The following ASTN1 variants were observed in gnomAD, a reference collection of about 807,000 sequenced individuals.
ASTN1 encodes the protein astrotactin 1, also known as astrotactin-1.
In ASTN1, 41 loss-of-function variants were observed where a neutral mutation model predicts 140.7. The observed-to-expected ratio is 0.29, with a 90% CI of 0.23 to 0.38. ASTN1 has a LOEUF of 0.38. Among genes scored for constraint, ASTN1 ranks in the 10% least tolerant of loss-of-function variants. The pLI, the probability that ASTN1 is intolerant of heterozygous loss-of-function variation, is 1.00. For synonymous variants in ASTN1, 640 were observed against 652.2 expected (o/e 0.98, Z 0.29); for missense variants, 1,479 against 1,678.8 (o/e 0.88, Z 2.08).
At chr1:176,877,803 A>T (rs534954084) in intron 20 of ASTN1, among the ~76,000 whole-genome samples, 1 of 152,290 alleles carries the variant, frequency 6.6e-6, no homozygotes, top group South Asian at 2.1e-4. Flanking sequence ...TTCTTTTGGC[A>T]CAGTTACAGG....
intron 8 of ASTN1, among the ~76,000 whole-genome samples, chr1:177,005,903 C>T (rs1367551842): frequency 1.3e-5 from 2 of 152,160 alleles, no homozygotes; most frequent in African/African-American, 2.4e-5. Flanking sequence ...GCCACCGTGC[C>T]CTGCCTAATG....
chr1:177,089,091 A>G (rs1214859486), intron 1 of ASTN1, among the ~76,000 whole-genome samples: 1 of 152,084 alleles, frequency 6.6e-6, no homozygotes, highest in Non-Finnish European at 1.5e-5. Flanking sequence ...GAGGACGCTG[A>G]TTTTTCTTGG....
chr1:176,950,355 G>A (rs1212975775), intron 11 of ASTN1, among the ~76,000 whole-genome samples: 1 of 152,150 alleles, frequency 6.6e-6, no homozygotes, highest in African/African-American at 2.4e-5. Context: ...TGAACCCTTT[G>A]TAGGTTGGCT....
At chr1:176,969,981 G>A (rs1373396488) in intron 8 of ASTN1, among the ~76,000 whole-genome samples, 1 of 152,236 alleles carries the variant, frequency 6.6e-6, no homozygotes, top group Non-Finnish European at 1.5e-5. Flanking sequence ...CCATTGTAAC[G>A]GATGCACAGC....
In ASTN1 at chr1:176,993,961, C is replaced by T. The variant is rs73041788; in HGVS notation, c.1523+20830G>A. Among the ~76,000 whole-genome samples, 722 of 152,208 alleles carry T rather than the reference C, an allele frequency of 4.7e-3. 7 individuals carry two copies. The highest frequency in any genetic ancestry group is 0.017 in the African/African-American group (687 of 41,528). ...AGTTCCGATGGAGATTCCTCACTTC[C>T]TCAATTGAGGTTGATCCATATCAGT... On this transcript the variant is annotated intron_variant, in intron 8 of 22. Coordinates refer to ENST00000361833, the MANE Select transcript of ASTN1 (RefSeq NM_004319.3).
chr1:176,871,275 C>T (rs1271062319), intron 21 of ASTN1, among the ~76,000 whole-genome samples: 4 of 152,124 alleles, frequency 2.6e-5, no homozygotes, highest in African/African-American at 9.7e-5. Context: ...CCATGGGAAG[C>T]AAGGAGCGCT....
chr1:177,044,134 C>CA (rs1209997739), intron 2 of ASTN1, among the ~76,000 whole-genome samples: 2 of 150,984 alleles, frequency 1.3e-5, no homozygotes, highest in East Asian at 3.9e-4. Context: ...TACAAGTCTT[C>CA]AAATCCTTCC....
At chr1:177,129,234 T>A (rs1681822295) in intron 1 of ASTN1, among the ~76,000 whole-genome samples, 1 of 152,170 alleles carries the variant, frequency 6.6e-6, no homozygotes, top group Admixed American at 6.5e-5. Flanking sequence ...GGCTATATAA[T>A]CACTGCGTTC....
chr1:176,877,419 C>T (rs887117024), intron 20 of ASTN1, among the ~76,000 whole-genome samples: 2 of 152,216 alleles, frequency 1.3e-5, no homozygotes, highest in Non-Finnish European at 2.9e-5. Context: ...ACAGCTCACT[C>T]TGTTCCTCTG....
At chr1:177,109,118 T>A (rs551135555) in intron 1 of ASTN1, among the ~76,000 whole-genome samples, 28 of 152,318 alleles carry the variant, frequency 1.8e-4, no homozygotes, top group African/African-American at 6.5e-4. Flanking sequence ...TACAAGGATG[T>A]CAGTCCTCAT....
At chr1:177,116,942 C>T (rs1681118849) in intron 1 of ASTN1, among the ~76,000 whole-genome samples, 1 of 152,172 alleles carries the variant, frequency 6.6e-6, no homozygotes, top group Non-Finnish European at 1.5e-5. Context: ...CACTCCCTTA[C>T]ACTGCAATTA....
At position 176,888,280 on chromosome 1, in the gene ASTN1, C is replaced by G. The variant is rs562467874; in HGVS notation, c.2941-76G>C. On this transcript the variant is annotated intron_variant, in intron 17 of 22. Transcript: ENST00000361833. ...CCATCAGAATCAAGAGGCAGAGTGT[C>G]AAGGATCTGCATGGCCCTAAATTAC... 55 of 1,537,912 alleles carry G rather than the reference C, an allele frequency of 3.6e-5. No homozygotes were observed. The African/African-American group carries it at 7.2e-4, about 20-fold the overall frequency.
chr1:177,020,638 T>G (rs753693819), intron 7 of ASTN1, among the ~76,000 whole-genome samples: 1 of 152,234 alleles, frequency 6.6e-6, no homozygotes, highest in Non-Finnish European at 1.5e-5. Flanking sequence ...CTAATTCTCC[T>G]TTGCCATGTA....
At chr1:177,102,536 A>G (rs947103900) in intron 1 of ASTN1, among the ~76,000 whole-genome samples, 5 of 152,178 alleles carry the variant, frequency 3.3e-5, no homozygotes, top group African/African-American at 7.2e-5. Context: ...AATATCTGGG[A>G]ATATTCCAAA....
intron 16 of ASTN1, among the ~76,000 whole-genome samples, chr1:176,925,530 T>G (rs1670919159): frequency 6.6e-6 from 1 of 152,102 alleles, no homozygotes; most frequent in South Asian, 2.1e-4. Flanking sequence ...CAAAAACTAT[T>G]CCAACAACTG....
At chr1:177,158,185 C>T (rs921397879) in intron 1 of ASTN1, among the ~76,000 whole-genome samples, 9 of 152,176 alleles carry the variant, frequency 5.9e-5, no homozygotes, top group Middle Eastern at 6.8e-3. Context: ...TTTAGATTAC[C>T]GTCAACAATT....
At chr1:176,985,849 CACA>C (rs1673875659) in intron 8 of ASTN1, among the ~76,000 whole-genome samples, 1 of 73,884 alleles carries the variant, frequency 1.4e-5, no homozygotes, top group African/African-American at 8.6e-5. Flanking sequence ...TCTCTCTACA[CACA>C]CACACACACA....
At chr1:176,973,275 C>T (rs1489345907) in intron 8 of ASTN1, among the ~76,000 whole-genome samples, 1 of 152,194 alleles carries the variant, frequency 6.6e-6, no homozygotes, top group Non-Finnish European at 1.5e-5. Context: ...TTTATTCATT[C>T]TACCACTGTT....
chr1:177,156,563 A>G (rs1465346742), intron 1 of ASTN1, among the ~76,000 whole-genome samples: 1 of 152,228 alleles, frequency 6.6e-6, no homozygotes, highest in Non-Finnish European at 1.5e-5. Context: ...TCATGAGTCC[A>G]TAGGACATAA....
Sources: gnomAD v4.1 joint callset for allele counts (sites outside exome capture counted in the v4.1 genomes callset) on GRCh38, gnomAD v4.1.1 for gene constraint, MANE v1.5 for transcripts, NCBI Gene and HGNC (gene_info 2026-07-23, HGNC 2026-07-21) for gene names.